The following BCKDHB variants were observed in gnomAD, a reference collection of about 807,000 sequenced individuals.
The protein encoded by BCKDHB is branched chain keto acid dehydrogenase E1 subunit beta, also known as 2-oxoisovalerate dehydrogenase subunit beta, mitochondrial.
A neutral mutation model predicts 48.5 loss-of-function variants in BCKDHB; 41 were observed. The ratio of observed to expected loss-of-function variants is 0.85; its 90% CI spans 0.66 to 1.10. BCKDHB has a LOEUF of 1.10. BCKDHB is among the 50% of genes least tolerant of loss of function. BCKDHB has a pLI of 0.00. For missense variants in BCKDHB, 496 were observed against 494.2 expected, an observed-to-expected ratio of 1.00 and a Z score of -0.03; for synonymous variants, 201 against 174.8, an observed-to-expected ratio of 1.15 and a Z score of -1.18.
chr6:80,168,764 CATT>C (rs1336500155), intron 4 of BCKDHB, 108 bp from the exon 5 acceptor site: 3 of 919,422 alleles, frequency 3.3e-6, no homozygotes, highest in South Asian at 3.2e-5. Flanking sequence ...GGGAAAGACT[CATT>C]GTGCCTTGGG....
chr6:80,189,686 C>A (rs1773805397), intron 6 of BCKDHB, among the ~76,000 whole-genome samples: 1 of 152,038 alleles, frequency 6.6e-6, no homozygotes, highest in South Asian at 2.1e-4. Flanking sequence ...AGGTAGAAAA[C>A]ACTAAACTCT....
the BCKDHB span, among the ~76,000 whole-genome samples, chr6:80,362,686 CA>C: frequency 6.6e-6 from 1 of 152,042 alleles, no homozygotes. Context: ...TTATTCTCTG[CA>C]AAAGAGCAGA....
chr6:80,357,854 C>G, the BCKDHB span, among the ~76,000 whole-genome samples: 126 of 152,280 alleles, frequency 8.3e-4, no homozygotes, highest in African/African-American at 2.8e-3. Context: ...GCTCTTTCAT[C>G]CTGTTTGCCA....
At chr6:80,381,632 ATATTT>A in the BCKDHB span, among the ~76,000 whole-genome samples, 9 of 152,134 alleles carry the variant, frequency 5.9e-5, no homozygotes, top group African/African-American at 1.9e-4. Flanking sequence ...CTTTTGAGAG[ATATTT>A]TATTAAATTA....
chr6:80,353,105 A>G, the BCKDHB span, among the ~76,000 whole-genome samples: 1 of 152,016 alleles, frequency 6.6e-6, no homozygotes, highest in Non-Finnish European at 1.5e-5. Flanking sequence ...TCCACTCTCT[A>G]TGTCCATGTG....
chr6:80,107,013 C>G, intron 1 of BCKDHB, 124 bp downstream of exon 1: 5 of 1,225,674 alleles, frequency 4.1e-6, no homozygotes, highest in Non-Finnish European at 5.8e-6. Context: ...CTTCCTGACT[C>G]TCTGGAACCT....
chr6:80,204,474 G>A (rs72892456), intron 8 of BCKDHB, among the ~76,000 whole-genome samples: 12,269 of 152,070 alleles, frequency 0.081, 554 homozygotes, highest in South Asian at 0.099. Context: ...CAAATAGCCA[G>A]ACGTTCCAAA....
At chr6:80,178,828 C>G (rs967496246) in intron 6 of BCKDHB, among the ~76,000 whole-genome samples, 2 of 152,082 alleles carry the variant, frequency 1.3e-5, no homozygotes, top group African/African-American at 4.8e-5. Context: ...AAATAATGAG[C>G]GATGGATTTA....
intron 9 of BCKDHB, among the ~76,000 whole-genome samples, chr6:80,314,905 G>A (rs185779773): frequency 4.3e-4 from 66 of 152,312 alleles, no homozygotes; most frequent in Middle Eastern, 3.4e-3. Context: ...GCTGTGCGGC[G>A]GGACTCGCTG....
chr6:80,302,900 T>G (rs1406565051), intron 9 of BCKDHB, among the ~76,000 whole-genome samples: 1 of 152,130 alleles, frequency 6.6e-6, no homozygotes, highest in African/African-American at 2.4e-5. Context: ...ATGAAGCAGC[T>G]TTATTGGAAA....
intron 8 of BCKDHB, among the ~76,000 whole-genome samples, chr6:80,225,325 T>C (rs1446029371): frequency 6.6e-6 from 1 of 152,182 alleles, no homozygotes; most frequent in Admixed American, 6.5e-5. Context: ...TGTTTTGGAA[T>C]ACCTGAAAAG....
intron 9 of BCKDHB, among the ~76,000 whole-genome samples, chr6:80,293,176 G>C (rs1767026577): frequency 6.6e-6 from 1 of 152,182 alleles, no homozygotes; most frequent in South Asian, 2.1e-4. Context: ...GACTCTGTAT[G>C]GGGACTCCCA....
chr6:80,349,642 AAAC>A (rs1358373075), downstream of BCKDHB, among the ~76,000 whole-genome samples: 8 of 152,232 alleles, frequency 5.3e-5, no homozygotes, highest in African/African-American at 1.9e-4. Flanking sequence ...ATGAAAATGA[AAAC>A]AAATATGGCA....
At chr6:80,372,108 C>T in the BCKDHB span, among the ~76,000 whole-genome samples, 6 of 151,812 alleles carry the variant, frequency 4.0e-5, no homozygotes, top group East Asian at 3.9e-4. Flanking sequence ...TCTACCCACC[C>T]GTAAGTATGG....
intron 9 of BCKDHB, among the ~76,000 whole-genome samples, chr6:80,311,103 G>A (rs555416129): frequency 2.3e-4 from 35 of 152,116 alleles, no homozygotes; most frequent in African/African-American, 5.8e-4. Flanking sequence ...GATCTTTCCC[G>A]TGCTGTTCTC....
At chr6:80,326,082 A>G (rs772334993) in intron 9 of BCKDHB, among the ~76,000 whole-genome samples, 1 of 152,200 alleles carries the variant, frequency 6.6e-6, no homozygotes, top group Non-Finnish European at 1.5e-5. Context: ...CAAATACACT[A>G]TATTAGTGTA....
intron 6 of BCKDHB, among the ~76,000 whole-genome samples, chr6:80,190,325 G>A (rs1376879829): frequency 6.6e-6 from 1 of 152,060 alleles, no homozygotes; most frequent in African/African-American, 2.4e-5. Flanking sequence ...AAAATACACA[G>A]TTTTTGCAAT....
At chr6:80,246,692 C>T (rs928368611) in intron 8 of BCKDHB, among the ~76,000 whole-genome samples, 10 of 152,190 alleles carry the variant, frequency 6.6e-5, no homozygotes, top group African/African-American at 2.4e-4. Flanking sequence ...CTTACAGAAT[C>T]CAAAATGGCT....
intron 6 of BCKDHB, among the ~76,000 whole-genome samples, chr6:80,198,982 A>G (rs1774257940): frequency 2.0e-5 from 3 of 152,190 alleles, no homozygotes; most frequent in Admixed American, 6.6e-5. Flanking sequence ...CCTTGATACT[A>G]CTAAGCCTAG....
Sources: allele counts gnomAD v4.1 joint callset (sites outside exome capture counted in the v4.1 genomes callset), GRCh38; gene constraint gnomAD v4.1.1; transcripts MANE v1.5; gene names NCBI Gene and HGNC (gene_info 2026-07-23, HGNC 2026-07-21).